LPAR1: variants seen among roughly 807,000 people sequenced by gnomAD.
The protein encoded by LPAR1 is LPA receptor 1.
In LPAR1, 5 loss-of-function variants were observed where a neutral mutation model predicts 23.8. The ratio of observed to expected loss-of-function variants is 0.21; its 90% CI spans 0.11 to 0.44. The LOEUF (loss-of-function observed/expected upper bound fraction) is 0.44. Among genes scored for constraint, LPAR1 ranks in the 20% least tolerant of loss-of-function variants. The probability of loss-of-function intolerance (pLI) is 0.99; values close to 1 mark genes in which losing one functional copy is unlikely to be tolerated. For missense variants in LPAR1, 311 were observed against 482.8 expected (o/e 0.64, Z 3.33); for synonymous variants, 160 against 164.7 (o/e 0.97, Z 0.22).
chr9:110,913,572 A>G lies in LPAR1; in HGVS notation c.793+27849T>C, dbSNP rs1028408088. 3.3e-5 allele frequency among the ~76,000 whole-genome samples: 5 copies of G among 151,792 alleles called. No homozygotes were observed. In the Middle Eastern group the frequency reaches 0.01, roughly 310 times the overall value. ...TTAATAAGTATATATATATATATCC[A>G]TTTTTAGCTTTAGATATTACAAAAC... On this transcript the variant is annotated intron_variant, in intron 5 of 5. Coordinates refer to ENST00000683809, the MANE Select transcript of LPAR1 (RefSeq NM_001351411.2).
At chr9:110,916,406 G>A (rs548763749) in intron 5 of LPAR1, among the ~76,000 whole-genome samples, 1 of 152,210 alleles carries the variant, frequency 6.6e-6, no homozygotes, top group Non-Finnish European at 1.5e-5. Flanking sequence ...ATGGAAGTAT[G>A]TCAAAATGGT....
chr9:110,996,489 G>A (rs963695871), intron 2 of LPAR1, among the ~76,000 whole-genome samples: 7 of 152,132 alleles, frequency 4.6e-5, no homozygotes, highest in Non-Finnish European at 7.4e-5. Flanking sequence ...TTACTAAACT[G>A]ATATTCCCTA....
intron 2 of LPAR1, among the ~76,000 whole-genome samples, chr9:111,034,474 G>T (rs1237946260): frequency 6.6e-6 from 1 of 152,066 alleles, no homozygotes; most frequent in Non-Finnish European, 1.5e-5. Flanking sequence ...TGTTCAAAAG[G>T]CTCCACAAGG....
intron 4 of LPAR1, among the ~76,000 whole-genome samples, chr9:110,969,770 T>C (rs941761866): frequency 6.6e-6 from 1 of 152,106 alleles, no homozygotes; most frequent in African/African-American, 2.4e-5. Context: ...ATGTCCACAT[T>C]CCTGAATTCA....
chr9:110,976,954 C>A (rs988266687), intron 2 of LPAR1, among the ~76,000 whole-genome samples: 20 of 152,208 alleles, frequency 1.3e-4, no homozygotes, highest in African/African-American at 4.6e-4. Context: ...AAGCTTATTT[C>A]TTTGTGCCAG....
intron 2 of LPAR1, among the ~76,000 whole-genome samples, chr9:111,007,043 C>T (rs2097231958): frequency 6.6e-6 from 1 of 152,080 alleles, no homozygotes; most frequent in Non-Finnish European, 1.5e-5. Flanking sequence ...AACTAACTCA[C>T]TCCTTCTCTC....
chr9:111,003,222 G>A (rs1299964270), intron 2 of LPAR1, among the ~76,000 whole-genome samples: 1 of 152,156 alleles, frequency 6.6e-6, no homozygotes, highest in African/African-American at 2.4e-5. Context: ...CAGCTGAAAT[G>A]TGTAAGTTTT....
At chr9:110,930,834 GA>G (rs1403779087) in intron 5 of LPAR1, among the ~76,000 whole-genome samples, 2 of 152,006 alleles carry the variant, frequency 1.3e-5, no homozygotes. Context: ...AGAATTTCTT[GA>G]ACCCGGGAGG....
chr9:110,969,761 T>G (rs980507946), intron 4 of LPAR1, among the ~76,000 whole-genome samples: 4 of 152,116 alleles, frequency 2.6e-5, no homozygotes, highest in African/African-American at 7.2e-5. Flanking sequence ...ATTTCAATCA[T>G]GTCCACATTC....
intron 2 of LPAR1, among the ~76,000 whole-genome samples, chr9:110,990,756 T>C (rs944067032): frequency 6.6e-6 from 1 of 152,048 alleles, no homozygotes; most frequent in African/African-American, 2.4e-5. Context: ...GATAATTATA[T>C]AGAAACTATA....
At chr9:110,951,418 A>T (rs2095564813) in intron 4 of LPAR1, among the ~76,000 whole-genome samples, 1 of 152,190 alleles carries the variant, frequency 6.6e-6, no homozygotes, top group Non-Finnish European at 1.5e-5. Flanking sequence ...GTGAAATGTA[A>T]AGACTTCTTA....
chr9:111,027,408 A>G (rs10817132), intron 2 of LPAR1, among the ~76,000 whole-genome samples: 78,967 of 151,990 alleles, frequency 0.52, 20,749 homozygotes, highest in East Asian at 0.67. Flanking sequence ...AGCTGAAGCA[A>G]GAGGATGGTT....
At chr9:110,977,092 G>A (rs1037760334) in intron 2 of LPAR1, among the ~76,000 whole-genome samples, 3 of 152,116 alleles carry the variant, frequency 2.0e-5, no homozygotes, top group African/African-American at 4.8e-5. Context: ...TTGACAAAAG[G>A]ACTAAAACAC....
intron 5 of LPAR1, among the ~76,000 whole-genome samples, chr9:110,937,218 A>G (rs10980644): frequency 0.22 from 32,823 of 152,282 alleles, 4,347 homozygotes; most frequent in Admixed American, 0.29. Flanking sequence ...AAGCCCAGTC[A>G]GCACAGCTAG....
chr9:110,967,826 A>G (rs2096273195), intron 4 of LPAR1, among the ~76,000 whole-genome samples: 1 of 152,228 alleles, frequency 6.6e-6, no homozygotes, highest in African/African-American at 2.4e-5. Context: ...AGGAATTGAC[A>G]TATAATTAGG....
At chr9:110,972,610 C>T (rs1167754722) in intron 3 of LPAR1, among the ~76,000 whole-genome samples, 2 of 152,120 alleles carry the variant, frequency 1.3e-5, no homozygotes, top group African/African-American at 4.8e-5. Context: ...ACCACCCCCA[C>T]TTATCTGAGG....
chr9:110,898,676 G>A (rs2087408094), intron 5 of LPAR1, among the ~76,000 whole-genome samples: 1 of 152,174 alleles, frequency 6.6e-6, no homozygotes, highest in Non-Finnish European at 1.5e-5. Flanking sequence ...TTGATCTTTT[G>A]ACTAGCACCA....
chr9:110,993,094 C>T (rs754645086), intron 2 of LPAR1, among the ~76,000 whole-genome samples: 7 of 152,100 alleles, frequency 4.6e-5, no homozygotes, highest in Non-Finnish European at 1.0e-4. Flanking sequence ...AAAACTCTGG[C>T]ATACAAGAAA....
chr9:110,890,231 G>C (rs765896012), intron 5 of LPAR1, among the ~76,000 whole-genome samples: 1 of 152,096 alleles, frequency 6.6e-6, no homozygotes, highest in South Asian at 2.1e-4. Context: ...TATGACAATT[G>C]ATGTAATAGT....
Sources: allele counts gnomAD v4.1 joint callset (sites outside exome capture counted in the v4.1 genomes callset), GRCh38; gene constraint gnomAD v4.1.1; transcripts MANE v1.5; gene names NCBI Gene and HGNC (gene_info 2026-07-23, HGNC 2026-07-21).